Variants in KCNB2 observed in about 807,000 individuals in gnomAD.
KCNB2 encodes delayed rectifier potassium channel protein.
In KCNB2, 15 loss-of-function variants were observed where a neutral mutation model predicts 61.5. The ratio of observed to expected loss-of-function variants is 0.24; its 90% CI spans 0.16 to 0.38. The LOEUF (loss-of-function observed/expected upper bound fraction) is 0.38. Ranked by LOEUF, KCNB2 falls within the 10% of genes least tolerant of loss-of-function variation. KCNB2 has a pLI of 1.00. For synonymous variants in KCNB2, 457 were observed against 446.0 expected (o/e 1.02, Z -0.31); for missense variants, 828 against 1,125.2 (o/e 0.74, Z 3.78).
intron 2 of KCNB2, among the ~76,000 whole-genome samples, chr8:72,871,154 G>A (rs547094911): frequency 6.6e-6 from 1 of 152,186 alleles, no homozygotes; most frequent in East Asian, 1.9e-4. Flanking sequence ...CAACCTCACA[G>A]GATTGCTGAA....
intron 2 of KCNB2, among the ~76,000 whole-genome samples, chr8:72,896,251 A>G (rs1338280716): frequency 6.6e-6 from 1 of 152,154 alleles, no homozygotes; most frequent in African/African-American, 2.4e-5. Flanking sequence ...CTGTTATATA[A>G]GTTAGAGGAG....
At chr8:72,749,091 C>A (rs1808137266) in intron 2 of KCNB2, among the ~76,000 whole-genome samples, 1 of 152,042 alleles carries the variant, frequency 6.6e-6, no homozygotes, top group Non-Finnish European at 1.5e-5. Context: ...CTCATAGATT[C>A]TACTCTGACC....
intron 2 of KCNB2, among the ~76,000 whole-genome samples, chr8:72,693,481 T>A (rs953211828): frequency 6.6e-6 from 1 of 152,178 alleles, no homozygotes; most frequent in African/African-American, 2.4e-5. Flanking sequence ...TAAATCCTAT[T>A]GTCTGTCAAC....
At chr8:72,775,856 A>G (rs1808640649) in intron 2 of KCNB2, among the ~76,000 whole-genome samples, 1 of 152,174 alleles carries the variant, frequency 6.6e-6, no homozygotes, top group African/African-American at 2.4e-5. Context: ...TTCCTCAAGG[A>G]TCTAGAACTG....
chr8:72,771,418 A>T (rs1808557895), intron 2 of KCNB2, among the ~76,000 whole-genome samples: 1 of 152,136 alleles, frequency 6.6e-6, no homozygotes, highest in Non-Finnish European at 1.5e-5. Context: ...TCAAAATTGT[A>T]TTTTATTAAA....
rs1806903419 is a variant in KCNB2, at chr8:72,936,335, C to G, written c.980C>G (p.Thr327Ser). The change falls in exon 3 of 3, where the codon ACC becomes AGC. Residue 327 changes from threonine to serine, a missense_variant. Coordinates refer to ENST00000523207, the MANE Select transcript of KCNB2 (RefSeq NM_004770.3). The surrounding 1 kb of genome is among the most constrained non-coding windows in gnomAD (Gnocchi z 5.6). ...ACAGGCCTGCAGTCTCTGGGTTTCA[C>G]CCTTAGGCGGAGTTACAATGAATTG... ...HSTGLQSLGFTLRRSYNELGL... is the reference protein window; with the variant it reads ...HSTGLQSLGFSLRRSYNELGL... 6.2e-7 allele frequency: 1 copy of G among 1,614,116 alleles called. No individual in the cohort carries two copies.
intron 2 of KCNB2, chr8:72,661,479 A>G (rs1806380483): frequency 6.6e-6 from 1 of 152,254 alleles, no homozygotes; most frequent in African/African-American, 2.4e-5. Flanking sequence ...TCTCATCTTT[A>G]GCAAGAGATC....
At chr8:72,814,034 G>A (rs186077012) in intron 2 of KCNB2, among the ~76,000 whole-genome samples, 2 of 152,096 alleles carry the variant, frequency 1.3e-5, no homozygotes, top group Admixed American at 6.6e-5. Flanking sequence ...AGGCTCCTGT[G>A]TGTGATGTTC....
intron 2 of KCNB2, among the ~76,000 whole-genome samples, chr8:72,642,691 TTTTG>T (rs756035275): frequency 7.0e-4 from 106 of 152,064 alleles, no homozygotes; most frequent in Non-Finnish European, 1.3e-3. Context: ...TAACAGCAAG[TTTTG>T]TTTGTCTTCT....
intron 2 of KCNB2, among the ~76,000 whole-genome samples, chr8:72,635,954 C>T (rs902410090): frequency 1.1e-4 from 16 of 152,148 alleles, no homozygotes; most frequent in Non-Finnish European, 2.2e-4. Flanking sequence ...CCTCAGTTTC[C>T]TCATCGACAC....
chr8:72,832,887 C>T (rs986686135), intron 2 of KCNB2, among the ~76,000 whole-genome samples: 4 of 152,094 alleles, frequency 2.6e-5, no homozygotes, highest in Admixed American at 6.6e-5. Flanking sequence ...AGACAGAGAG[C>T]GAGATACTCT....
At chr8:72,645,557 T>C (rs1806117286) in intron 2 of KCNB2, among the ~76,000 whole-genome samples, 1 of 152,148 alleles carries the variant, frequency 6.6e-6, no homozygotes, top group Non-Finnish European at 1.5e-5. Flanking sequence ...GCTTAGCTCT[T>C]AGTGTTGTCA....
intron 2 of KCNB2, among the ~76,000 whole-genome samples, chr8:72,638,454 A>C (rs1256240306): frequency 6.6e-6 from 1 of 152,138 alleles, no homozygotes; most frequent in Non-Finnish European, 1.5e-5. Flanking sequence ...ACCTCTCTCT[A>C]AAAATAACTA....
chr8:72,882,065 A>G (rs774399676), intron 2 of KCNB2, among the ~76,000 whole-genome samples: 21 of 152,150 alleles, frequency 1.4e-4, no homozygotes, highest in Admixed American at 4.6e-4. Context: ...CTGATTCTGC[A>G]ATCTTCTCTC....
At chr8:72,742,764 C>T (rs2128994720) in intron 2 of KCNB2, among the ~76,000 whole-genome samples, 1 of 152,334 alleles carries the variant, frequency 6.6e-6, no homozygotes, top group East Asian at 1.9e-4. Context: ...CTCACATCTC[C>T]CATCCTTGGC....
At chr8:72,605,971 T>G (rs1196475752) in intron 2 of KCNB2, among the ~76,000 whole-genome samples, 2 of 152,110 alleles carry the variant, frequency 1.3e-5, no homozygotes, top group Non-Finnish European at 2.9e-5. Flanking sequence ...ATTGTCAAAT[T>G]AATTGAAGAA....
intron 2 of KCNB2, among the ~76,000 whole-genome samples, chr8:72,716,823 CAGG>C (rs1386582224): frequency 3.4e-5 from 5 of 148,816 alleles, no homozygotes; most frequent in Non-Finnish European, 6.0e-5. Context: ...GGCAATCAGG[CAGG>C]AGAAGGAAAT....
chr8:72,647,691 T>G (rs1009936560), intron 2 of KCNB2, among the ~76,000 whole-genome samples: 3 of 151,748 alleles, frequency 2.0e-5, no homozygotes, highest in African/African-American at 7.3e-5. Flanking sequence ...GAGTGGGAAG[T>G]GGGAATGAGG....
intron 2 of KCNB2, among the ~76,000 whole-genome samples, chr8:72,600,023 A>G (rs1161944236): frequency 2.0e-5 from 3 of 152,232 alleles, no homozygotes; most frequent in African/African-American, 7.2e-5. Context: ...ACCATTGTGG[A>G]AGTCAGTGTG....
Sources: gnomAD v4.1 joint callset for allele counts (sites outside exome capture counted in the v4.1 genomes callset) on GRCh38, gnomAD v4.1.1 for gene constraint, Gnocchi (gnomAD v3.1) non-coding constraint, MANE v1.5 for transcripts, NCBI Gene and HGNC (gene_info 2026-07-23, HGNC 2026-07-21) for gene names.